The following C8orf34 variants were observed in gnomAD, a reference collection of about 807,000 sequenced individuals.
C8orf34 encodes chromosome 8 open reading frame 34.
In C8orf34, 65 loss-of-function variants were observed where a neutral mutation model predicts 68.3. The observed-to-expected ratio is 0.95, with a 90% confidence interval of 0.78 to 1.17. The LOEUF (loss-of-function observed/expected upper bound fraction) is 1.17, where lower values mean the gene tolerates loss of function less well. Among genes scored for constraint, C8orf34 ranks in the 50% most tolerant of loss-of-function variants. The pLI is 0.00. For missense variants in C8orf34, 664 were observed against 655.4 expected, an observed-to-expected ratio of 1.01 and a Z score of -0.14; for synonymous variants, 244 against 241.2, an observed-to-expected ratio of 1.01 and a Z score of -0.11.
chr8:68,331,307 C>T lies in C8orf34; in HGVS notation c.295C>T (p.Leu99=), dbSNP rs766820851. Residue 99 remains leucine (L), a synonymous_variant, in exon 1 of 14, where the codon CTG becomes TTG. Coordinates refer to ENST00000518698, the MANE Select transcript of C8orf34 (RefSeq NM_052958.4). ...TCCGCAAACCCGGATCCAGGCTTAC[C>T]TGGAGAAGAACAAGATCGGTCCCCT... The part of the protein sequence containing the change: ...SHPQTRIQAY[L]EKNKIGPLFE... The T allele has an allele frequency of 2.8e-4, 433 of 1,536,384 alleles. No homozygotes were observed. The highest frequency in any genetic ancestry group is 3.4e-4 in the Non-Finnish European group (389 of 1,146,998).
At chr8:68,639,606 T>A (rs1296403226) in intron 7 of C8orf34, among the ~76,000 whole-genome samples, 5 of 152,180 alleles carry the variant, frequency 3.3e-5, no homozygotes, top group African/African-American at 9.7e-5. Context: ...ACTTTATGTA[T>A]CTTTAGTGCT....
chr8:68,485,596 C>A (rs1813039810), intron 4 of C8orf34, among the ~76,000 whole-genome samples: 1 of 151,768 alleles, frequency 6.6e-6, no homozygotes, highest in Non-Finnish European at 1.5e-5. Context: ...CCTGTAATCC[C>A]AGCTACTCAT....
At position 68,461,880 on chromosome 8, in the gene C8orf34, C is replaced by T. The variant is rs56210327; in HGVS notation, c.608-6812C>T. Among the ~76,000 whole-genome samples the T allele has an allele frequency of 4.7e-3, 714 of 152,284 alleles. 2 individuals are homozygous for T. The highest frequency in any genetic ancestry group is 0.031 in the Middle Eastern group (9 of 294). On this transcript the variant is annotated intron_variant, in intron 3 of 13. Coordinates refer to ENST00000518698, the MANE Select transcript of C8orf34 (RefSeq NM_052958.4). Reference sequence around the variant, plus strand: ...CATCAAGGCTAGGAAGAAACTGCATCAACTAACGAGCAAAATAACAGCTAA... The same window carrying T: ...CATCAAGGCTAGGAAGAAACTGCATTAACTAACGAGCAAAATAACAGCTAA...
At chr8:68,601,466 A>G (rs888554763) in intron 7 of C8orf34, among the ~76,000 whole-genome samples, 1 of 151,942 alleles carries the variant, frequency 6.6e-6, no homozygotes, top group Non-Finnish European at 1.5e-5. Flanking sequence ...TCTGTCCTCA[A>G]GTTTACTGAT....
chr8:68,745,276 A>G lies in C8orf34; in HGVS notation c.1404+23839A>G, dbSNP rs375566332. 3.3e-5 allele frequency among the ~76,000 whole-genome samples: 5 copies of G among 152,272 alleles called. No individual in the cohort carries two copies. In the East Asian group the frequency reaches 7.7e-4, roughly 24 times the overall value. ...GAACAACTGGTGCCAGCCGCTGCAA[A>G]CTCATGCCAAAATGTAAAGACCATC... is the stretch of plus-strand genomic sequence containing the variant. On this transcript the variant is annotated intron_variant, in intron 10 of 13. Transcript: ENST00000518698.
At chr8:68,799,942 C>G (rs1312537478) in intron 12 of C8orf34, among the ~76,000 whole-genome samples, 1 of 152,142 alleles carries the variant, frequency 6.6e-6, no homozygotes, top group Admixed American at 6.6e-5. Flanking sequence ...AGAACCACAG[C>G]ATGGGCAAGG....
At chr8:68,818,194 CAT>C (rs1824877650) in intron 13 of C8orf34, 43 bp from the exon 14 acceptor site, 1 of 1,603,458 alleles carries the variant, frequency 6.2e-7, no homozygotes, top group Non-Finnish European at 8.5e-7. Context: ...ATAATGTAAA[CAT>C]GTTATTAAGC....
rs116075050 is a variant in C8orf34, at chr8:68,575,295, T to A, written c.1105+42146T>A. Among the ~76,000 whole-genome samples the A allele has an allele frequency of 8.2e-3, 1,245 of 152,210 alleles. 21 individuals carry two copies. Among genetic ancestry groups the A allele is most frequent in the African/African-American group, 0.028 (1,173 of 41,560 alleles). On this transcript the variant is annotated intron_variant, in intron 7 of 13. Transcript: ENST00000518698. ...TATACCTAAGTCAGTGTAAAAATAA[T>A]TATCTAAAGCTAAAAGTAATTTATA...
At chr8:68,542,202 G>A (rs1298787383) in intron 7 of C8orf34, among the ~76,000 whole-genome samples, 1 of 152,138 alleles carries the variant, frequency 6.6e-6, no homozygotes, top group Non-Finnish European at 1.5e-5. Flanking sequence ...ACTTACAGTG[G>A]GAATGGAATG....
intron 7 of C8orf34, among the ~76,000 whole-genome samples, chr8:68,596,447 A>AT (rs779102892): frequency 1.3e-5 from 2 of 152,224 alleles, no homozygotes; most frequent in East Asian, 3.9e-4. Context: ...ACAGTATGAG[A>AT]TTTTTACTCT....
At chr8:68,678,031 A>G (rs1398550772) in intron 8 of C8orf34, among the ~76,000 whole-genome samples, 2 of 152,196 alleles carry the variant, frequency 1.3e-5, no homozygotes, top group Non-Finnish European at 2.9e-5. Context: ...AGATTGAACC[A>G]TGCAGAAATT....
intron 1 of C8orf34, among the ~76,000 whole-genome samples, chr8:68,360,752 C>CT (rs1319672272): frequency 6.9e-6 from 1 of 144,262 alleles, no homozygotes; most frequent in African/African-American, 2.6e-5. Flanking sequence ...CCTTTTCTTC[C>CT]TTTCTTTTTT....
chr8:68,461,390 T>A (rs1811817152), intron 3 of C8orf34, among the ~76,000 whole-genome samples: 2 of 152,126 alleles, frequency 1.3e-5, no homozygotes, highest in Admixed American at 1.3e-4. Context: ...CAGGAGAACT[T>A]CCCCAATCTA....
chr8:68,798,288 CTTTTT>C (rs10690187), intron 12 of C8orf34, among the ~76,000 whole-genome samples: 1 of 125,050 alleles, frequency 8.0e-6, no homozygotes, highest in Non-Finnish European at 1.6e-5. Context: ...TTATGTCTGG[CTTTTT>C]TTTTTTTTTT....
intron 11 of C8orf34, among the ~76,000 whole-genome samples, chr8:68,781,382 C>G (rs934294002): frequency 1.3e-5 from 2 of 152,146 alleles, no homozygotes; most frequent in African/African-American, 2.4e-5. Flanking sequence ...CCCACCACTC[C>G]TAGTCCCTGT....
intron 3 of C8orf34, among the ~76,000 whole-genome samples, chr8:68,467,049 T>C (rs1041245977): frequency 1.3e-5 from 2 of 151,958 alleles, no homozygotes; most frequent in African/African-American, 4.8e-5. Context: ...CACTTTCACC[T>C]CTTTTAGATG....
chr8:68,430,821 C>G (rs959592427), intron 1 of C8orf34, among the ~76,000 whole-genome samples: 1 of 152,030 alleles, frequency 6.6e-6, no homozygotes, highest in African/African-American at 2.4e-5. Flanking sequence ...GTTTCCTTAT[C>G]TTGAGAAATA....
chr8:68,379,626 T>G (rs1807946883), intron 1 of C8orf34, among the ~76,000 whole-genome samples: 1 of 152,200 alleles, frequency 6.6e-6, no homozygotes, highest in South Asian at 2.1e-4. Flanking sequence ...ACTTTCCTTT[T>G]GTTTCTCTTT....
chr8:68,475,169 T>A (rs1357321564), intron 4 of C8orf34, among the ~76,000 whole-genome samples: 3 of 152,188 alleles, frequency 2.0e-5, no homozygotes, highest in Non-Finnish European at 4.4e-5. Context: ...TTCCACTGCT[T>A]CCCTCTTCAG....
Sources: allele counts gnomAD v4.1 joint callset (sites outside exome capture counted in the v4.1 genomes callset), GRCh38; gene constraint gnomAD v4.1.1; transcripts MANE v1.5; gene names NCBI Gene and HGNC (gene_info 2026-07-23, HGNC 2026-07-21).